HS6ST2: variants seen among roughly 807,000 people sequenced by gnomAD.
HS6ST2 encodes the protein heparan-sulfate 6-O-sulfotransferase 2.
Under a neutral mutation model 33.0 loss-of-function variants are expected in HS6ST2, and 17 were observed. That is an observed-to-expected ratio of 0.52 (90% CI 0.35 to 0.77). HS6ST2 has a LOEUF of 0.77. HS6ST2 is among the 30% of genes least tolerant of loss of function. The pLI is 0.01. For missense variants in HS6ST2, 519 were observed against 551.7 expected (o/e 0.94, Z 0.59); for synonymous variants, 248 against 237.1 (o/e 1.05, Z -0.42).
At chrX:132,913,589 A>G (rs972066677) in intron 2 of HS6ST2, among the ~76,000 whole-genome samples, 6 of 112,374 alleles carry the variant, frequency 5.3e-5, no homozygotes, top group African/African-American at 1.9e-4. Flanking sequence ...AGTGCAAGCC[A>G]AGCACAGCCC....
At chrX:132,940,144 A>T (rs909735255) in intron 2 of HS6ST2, among the ~76,000 whole-genome samples, 9 of 112,392 alleles carry the variant, frequency 8.0e-5, no homozygotes, top group African/African-American at 2.3e-4. Flanking sequence ...CCAAACATTT[A>T]TGATCAACCG....
chrX:132,863,447 G>A (rs1488193966), intron 2 of HS6ST2, among the ~76,000 whole-genome samples: 2 of 109,664 alleles, frequency 1.8e-5, no homozygotes, highest in Non-Finnish European at 3.8e-5. Context: ...AGCCTCCCGA[G>A]TAGCTGGGAC....
At chrX:132,751,905 C>A (rs180701348) in intron 2 of HS6ST2, among the ~76,000 whole-genome samples, 47 of 112,107 alleles carry the variant, frequency 4.2e-4, no homozygotes, top group African/African-American at 1.5e-3. Context: ...CCAGTAGGCA[C>A]CTTTCCTGCA....
At chrX:132,777,317 G>A (rs189529245) in intron 2 of HS6ST2, among the ~76,000 whole-genome samples, 102 of 109,080 alleles carry the variant, frequency 9.4e-4, no homozygotes, top group Admixed American at 2.5e-3. Flanking sequence ...ATAAATGTGT[G>A]TTGATTATAT....
chrX:132,874,063 C>T (rs748684660), intron 2 of HS6ST2, among the ~76,000 whole-genome samples: 7 of 111,125 alleles, frequency 6.3e-5, no homozygotes, highest in African/African-American at 9.8e-5. Flanking sequence ...CTGCCCTCCG[C>T]GAGGTCTATC....
chrX:132,812,822 G>A (rs1215090825), intron 2 of HS6ST2, among the ~76,000 whole-genome samples: 2 of 110,223 alleles, frequency 1.8e-5, no homozygotes, highest in African/African-American at 3.3e-5. Flanking sequence ...CCCCATCTCA[G>A]AGGAAGGGCT....
At chrX:132,772,548 A>T (rs1271637087) in intron 2 of HS6ST2, among the ~76,000 whole-genome samples, 6 of 104,798 alleles carry the variant, frequency 5.7e-5, no homozygotes, top group Admixed American at 1.1e-4. Context: ...AATTGTATGC[A>T]ATATAATTAT....
intron 2 of HS6ST2, among the ~76,000 whole-genome samples, chrX:132,885,580 A>G (rs752157018): frequency 2.7e-5 from 3 of 111,490 alleles, no homozygotes; most frequent in Non-Finnish European, 5.6e-5. Context: ...CATAATAATC[A>G]TAACAACTAA....
At chrX:132,846,079 G>A (rs2065748087) in intron 2 of HS6ST2, among the ~76,000 whole-genome samples, 1 of 111,827 alleles carries the variant, frequency 8.9e-6, no homozygotes, top group Non-Finnish European at 1.9e-5. Context: ...TAAGGACAAT[G>A]AAATGTGAAT....
chrX:132,713,759 T>C (rs765917896), intron 2 of HS6ST2, among the ~76,000 whole-genome samples: 1 of 111,421 alleles, frequency 9.0e-6, no homozygotes, highest in South Asian at 4.0e-4. Flanking sequence ...GAGGTTGTCT[T>C]GACTGCTCTT....
At chrX:132,637,801 ATTATATATTATT>A in intron 4 of HS6ST2, among the ~76,000 whole-genome samples, 1 of 44,673 alleles carries the variant, frequency 2.2e-5, no homozygotes, top group African/African-American at 2.0e-4. Context: ...TATATATAAT[ATTATATATTATT>A]TTATATATAT....
At chrX:132,707,696 A>G (rs767933271) in intron 3 of HS6ST2, among the ~76,000 whole-genome samples, 32 of 112,236 alleles carry the variant, frequency 2.9e-4, no homozygotes, top group Non-Finnish European at 3.6e-4. Flanking sequence ...ACTGGTGAGC[A>G]TCATGACCTT....
chrX:132,637,923 T>TA (rs1213722464), intron 4 of HS6ST2, among the ~76,000 whole-genome samples: 22 of 51,164 alleles, frequency 4.3e-4, no homozygotes, highest in African/African-American at 1.3e-3. Context: ...ATATTTTATA[T>TA]ATATATTATA....
chrX:132,795,620 T>G (rs570704066), intron 2 of HS6ST2, among the ~76,000 whole-genome samples: 1 of 111,770 alleles, frequency 8.9e-6, no homozygotes, highest in African/African-American at 3.3e-5. Context: ...ACCTTTTTTT[T>G]TATGAAACAG....
chrX:132,959,807 G>A (rs919434878), upstream of HS6ST2, among the ~76,000 whole-genome samples: 2 of 112,014 alleles, frequency 1.8e-5, no homozygotes, highest in Non-Finnish European at 3.8e-5. Context: ...GAAACCTTTA[G>A]GCCACTCCAA....
rs36028236 is a variant in HS6ST2, at chrX:132,708,299, TAAAAAAA to T, written c.980+156_980+162del. Among the ~76,000 whole-genome samples the T allele has an allele frequency of 2.4e-4, 5 of 21,202 alleles. No individual in the cohort carries two copies. In the East Asian group the frequency reaches 5.0e-3, roughly 21 times the overall value. The allele number at this position is 21,202 out of a possible 115,157, so 18.4% of individuals were successfully genotyped here. ...CTGGGTAGTTTCAGCTGTTTTAAAC[TAAAAAAA>T]AAAAAAAAAAAAAAAAAAAAAAGCC... On this transcript the variant is annotated intron_variant, in intron 3 of 4. Coordinates refer to ENST00000370833, the MANE Select transcript of HS6ST2 (RefSeq NM_001394073.1).
chrX:132,654,424 T>C (rs1164204144), intron 4 of HS6ST2, among the ~76,000 whole-genome samples: 3 of 111,253 alleles, frequency 2.7e-5, no homozygotes, highest in African/African-American at 6.5e-5. Flanking sequence ...GTAGGGTAAG[T>C]GTACCCCAGA....
rs145012139 is a variant in HS6ST2, at chrX:132,832,947, G to A, written c.947+123861C>T. 1.3e-3 allele frequency among the ~76,000 whole-genome samples: 143 copies of A among 111,100 alleles called. 2 individuals carry two copies. The East Asian group carries it at 0.033, about 26-fold the overall frequency. ...TCATCACTCCCAGAACAAACCCCACGTCCCTTGGCCAATGATTCCACAACC... is the reference window on the plus strand; with the variant it reads ...TCATCACTCCCAGAACAAACCCCACATCCCTTGGCCAATGATTCCACAACC... On this transcript the variant is annotated intron_variant, in intron 2 of 4. Transcript: ENST00000370833.
chrX:132,806,733 T>G (rs2065287483), intron 2 of HS6ST2, among the ~76,000 whole-genome samples: 1 of 109,762 alleles, frequency 9.1e-6, no homozygotes, highest in Non-Finnish European at 1.9e-5. Context: ...TTCTTTTGAT[T>G]TTTTTCAACC....
Sources: gnomAD v4.1 joint callset for allele counts (sites outside exome capture counted in the v4.1 genomes callset) on GRCh38, gnomAD v4.1.1 for gene constraint, MANE v1.5 for transcripts, NCBI Gene and HGNC (gene_info 2026-07-23, HGNC 2026-07-21) for gene names.